The following ADAMTS3 variants were observed in gnomAD, a reference collection of about 807,000 sequenced individuals.
ADAMTS3 encodes ADAM metallopeptidase with thrombospondin type 1 motif 3, also known as A disintegrin and metalloproteinase with thrombospondin motifs 3.
Under a neutral mutation model 129.0 loss-of-function variants are expected in ADAMTS3, and 73 were observed. The ratio of observed to expected loss-of-function variants is 0.57; its 90% confidence interval spans 0.47 to 0.69. ADAMTS3 has a LOEUF of 0.69. ADAMTS3 is among the 30% of genes least tolerant of loss of function. The pLI is 0.00. For missense variants in ADAMTS3, 1,457 were observed against 1,514.5 expected, an observed-to-expected ratio of 0.96 and a Z score of 0.63; for synonymous variants, 477 against 510.8, an observed-to-expected ratio of 0.93 and a Z score of 0.89.
chr4:72,294,794 T>C (rs1351883318), intron 19 of ADAMTS3, among the ~76,000 whole-genome samples: 1 of 152,014 alleles, frequency 6.6e-6, no homozygotes, highest in East Asian at 1.9e-4. Context: ...TAGATAATAA[T>C]AGAACAGTAT....
chr4:72,376,027 T>C (rs772908698), intron 4 of ADAMTS3, among the ~76,000 whole-genome samples: 11 of 152,082 alleles, frequency 7.2e-5, no homozygotes, highest in African/African-American at 2.2e-4. Flanking sequence ...AGTACAGATA[T>C]AGGGAAGGCA....
At chr4:72,296,783 T>G (rs954562295) in intron 18 of ADAMTS3, among the ~76,000 whole-genome samples, 23 of 152,084 alleles carry the variant, frequency 1.5e-4, no homozygotes, top group African/African-American at 5.6e-4. Flanking sequence ...TCAAAAATGT[T>G]CAGTTGTCCC....
chr4:72,363,684 A>T (rs1247224885), intron 4 of ADAMTS3, among the ~76,000 whole-genome samples: 1 of 152,166 alleles, frequency 6.6e-6, no homozygotes, highest in Non-Finnish European at 1.5e-5. Context: ...ACCTGTAAAC[A>T]GTAGTGAAAG....
In ADAMTS3 at chr4:72,378,647, A is replaced by AT. The variant is rs796220842; in HGVS notation, c.661+36167dup. Among the ~76,000 whole-genome samples the AT allele has an allele frequency of 1.3e-3, 185 of 145,948 alleles. 1 individual carries two copies. The highest frequency in any genetic ancestry group is 3.5e-3 in the Middle Eastern group (1 of 284). ...CCAAATCACCATCAACATGACTTGA[A>AT]TTTTTTTTTTTTGCAGTCACAGAAG... On this transcript the variant is annotated intron_variant, in intron 4 of 21. Coordinates refer to ENST00000286657, the MANE Select transcript of ADAMTS3 (RefSeq NM_014243.3).
intron 3 of ADAMTS3, among the ~76,000 whole-genome samples, chr4:72,420,967 G>A (rs757333942): frequency 6.6e-6 from 1 of 152,142 alleles, no homozygotes; most frequent in Non-Finnish European, 1.5e-5. Context: ...AATGGATTTG[G>A]GATACATCTT....
chr4:72,313,696 G>A lies in ADAMTS3; in HGVS notation c.1726C>T (p.Arg576Cys), dbSNP rs1359140245. 42 of 1,613,422 alleles carry A rather than the reference G, an allele frequency of 2.6e-5. No individual in the cohort carries two copies. Among genetic ancestry groups the A allele is most frequent in the East Asian group, 8.9e-5 (4 of 44,762 alleles). ...ACTCACATGGGATTATTGCACTGGC[G>A]TGTTCTGAAACGAACACCAGTTCCA... Reference protein sequence around the residue: ...TCGTGVRFRTRQCNNPMPING... With the variant: ...TCGTGVRFRTCQCNNPMPING... The change falls in exon 12 of 22, where the codon CGC (arginine) becomes TGC (cysteine). Residue 576 changes from arginine to cysteine, a missense_variant. By Grantham distance (180) the Arg-to-Cys change is radical. Coordinates refer to ENST00000286657, the MANE Select transcript of ADAMTS3 (RefSeq NM_014243.3).
chr4:72,335,369 G>A (rs1719963420), intron 5 of ADAMTS3, among the ~76,000 whole-genome samples: 1 of 152,112 alleles, frequency 6.6e-6, no homozygotes, highest in South Asian at 2.1e-4. Context: ...ATACGGCCCT[G>A]AAATAGATTA....
At chr4:72,377,899 T>A (rs1245589431) in intron 4 of ADAMTS3, among the ~76,000 whole-genome samples, 1 of 152,180 alleles carries the variant, frequency 6.6e-6, no homozygotes, top group Non-Finnish European at 1.5e-5. Context: ...AATCAGGGAA[T>A]AACAGAGTGT....
intron 3 of ADAMTS3, among the ~76,000 whole-genome samples, chr4:72,470,469 TTA>T (rs1719043751): frequency 6.6e-6 from 1 of 150,596 alleles, no homozygotes; most frequent in Admixed American, 6.7e-5. Flanking sequence ...TATATACATA[TTA>T]TGAGTATGTA....
At chr4:72,448,339 C>A (rs13116502) in intron 3 of ADAMTS3, among the ~76,000 whole-genome samples, 2 of 151,568 alleles carry the variant, frequency 1.3e-5, no homozygotes, top group Non-Finnish European at 3.0e-5. Flanking sequence ...GGATTCAGTA[C>A]GATGTAATTT....
chr4:72,358,350 C>G lies in ADAMTS3; in HGVS notation c.662-18657G>C, dbSNP rs142180558. 2.7e-3 allele frequency among the ~76,000 whole-genome samples: 411 copies of G among 152,074 alleles called. 1 individual carries two copies. The highest frequency in any genetic ancestry group is 9.4e-3 in the African/African-American group (392 of 41,530). The stretch of plus-strand genomic sequence containing the variant: ...GCTACACTTTTGTGCATATAAGAAC[C>G]ACCTAATTCTCAGGGTCTGCACCAG... On this transcript the variant is annotated intron_variant, in intron 4 of 21. Transcript: ENST00000286657.
chr4:72,317,536 G>A (rs1474105923), intron 10 of ADAMTS3, among the ~76,000 whole-genome samples: 1 of 149,582 alleles, frequency 6.7e-6, no homozygotes, highest in Admixed American at 6.7e-5. Context: ...TACATCTAAT[G>A]TGAATAGTTA....
intron 5 of ADAMTS3, among the ~76,000 whole-genome samples, chr4:72,334,443 G>A (rs1241730838): frequency 1.3e-5 from 2 of 152,142 alleles, no homozygotes; most frequent in African/African-American, 2.4e-5. Flanking sequence ...ATAATATACA[G>A]TAACTGCACT....
Position 72,301,282 on chromosome 4 carries a change from T to C in ADAMTS3, c.2424+2635A>G, listed in dbSNP as rs142984252. On this transcript the variant is annotated intron_variant, in intron 17 of 21. Transcript: ENST00000286657. The stretch of plus-strand genomic sequence containing the variant: ...ATCCACAAAAGAAAACATTAAAAAA[T>C]TGGACTTCGATAAAGCTAAAAGATT... 4.0e-3 allele frequency among the ~76,000 whole-genome samples: 612 copies of C among 152,010 alleles called. 7 individuals are homozygous for C. The highest frequency in any genetic ancestry group is 0.014 in the African/African-American group (584 of 41,486).
At position 72,281,527 on chromosome 4, in the gene ADAMTS3, T is replaced by A. The variant is rs950190481; in HGVS notation, c.*1609A>T. On this transcript the variant is annotated 3_prime_UTR_variant, in exon 22 of 22. Coordinates refer to ENST00000286657, the MANE Select transcript of ADAMTS3 (RefSeq NM_014243.3). ...ATGCACTTATCTCTTTCAAAAACTT[T>A]TAAAAATGTTTCTAATTCACAATTT... 2 of 152,238 alleles carry A rather than the reference T, an allele frequency of 1.3e-5. No individual in the cohort carries two copies. Among genetic ancestry groups the A allele is most frequent in the Admixed American group, 6.5e-5 (1 of 15,282 alleles). 9.4% of individuals were successfully genotyped at this position (152,238 alleles called of 1,614,324 possible). A position where few individuals can be genotyped will look rare whatever the true frequency, so the allele number is the denominator to read the frequency against.
intron 3 of ADAMTS3, among the ~76,000 whole-genome samples, chr4:72,468,453 T>C (rs1718977393): frequency 6.6e-6 from 1 of 152,068 alleles, no homozygotes; most frequent in South Asian, 2.1e-4. Context: ...TTGTTCTTCT[T>C]AAAAAATGTA....
chr4:72,566,511 A>T (rs1172776802), intron 2 of ADAMTS3, among the ~76,000 whole-genome samples: 1 of 152,242 alleles, frequency 6.6e-6, no homozygotes, highest in Non-Finnish European at 1.5e-5. Flanking sequence ...AGTTATAAAA[A>T]CTTTTCTTCT....
chr4:72,508,859 T>C (rs1338263357), intron 3 of ADAMTS3, among the ~76,000 whole-genome samples: 1 of 152,116 alleles, frequency 6.6e-6, no homozygotes, highest in African/African-American at 2.4e-5. Flanking sequence ...TGCCCATGGA[T>C]AGACCATATG....
Position 72,568,944 on chromosome 4 carries a change from C to G in ADAMTS3, c.-182G>C. 3.2e-6 allele frequency: 2 copies of G among 623,436 alleles called. No individual in the cohort carries two copies. Among genetic ancestry groups the G allele is most frequent in the East Asian group, 2.8e-5 (1 of 36,276 alleles). 38.6% of individuals were successfully genotyped at this position (623,436 alleles called of 1,614,324 possible). The stretch of plus-strand genomic sequence containing the variant: ...GAAATTTGAGCTCTGAGACTGGCCC[C>G]CTCTGCTCTGCAGTTTTTTCCACTT... On this transcript the variant is annotated 5_prime_UTR_variant, in exon 1 of 22. Transcript: ENST00000286657.
Sources: allele counts gnomAD v4.1 joint callset (sites outside exome capture counted in the v4.1 genomes callset), GRCh38; gene constraint gnomAD v4.1.1; transcripts MANE v1.5; gene names NCBI Gene and HGNC (gene_info 2026-07-23, HGNC 2026-07-21).